BMPR1A: variants seen among roughly 807,000 people sequenced by gnomAD.
BMPR1A encodes the protein bone morphogenetic protein receptor type-1A.
BMPR1A carries 7 observed loss-of-function variants against 66.0 expected under a neutral mutation model. The observed-to-expected ratio is 0.11, with a 90% CI of 0.06 to 0.20. The LOEUF is 0.20. Among genes scored for constraint, BMPR1A ranks in the 10% least tolerant of loss-of-function variants. The pLI, the probability that BMPR1A is intolerant of heterozygous loss-of-function variation, is 1.00. For missense variants in BMPR1A, 408 were observed against 669.1 expected (o/e 0.61, Z 4.31); for synonymous variants, 200 against 229.7 (o/e 0.87, Z 1.17).
intron 1 of BMPR1A, among the ~76,000 whole-genome samples, chr10:86,804,713 T>G (rs1841862903): frequency 6.6e-6 from 1 of 152,130 alleles, no homozygotes; most frequent in Non-Finnish European, 1.5e-5. Context: ...TATTTGTGTT[T>G]TTAAACACCT....
chr10:86,765,258 C>T (rs906804819), intron 1 of BMPR1A, among the ~76,000 whole-genome samples: 5 of 151,914 alleles, frequency 3.3e-5, no homozygotes, highest in Non-Finnish European at 2.9e-5. Flanking sequence ...GAGGCCGAGG[C>T]GGGAGGATCA....
At chr10:86,816,383 G>A (rs1253133384) in intron 1 of BMPR1A, among the ~76,000 whole-genome samples, 2 of 151,720 alleles carry the variant, frequency 1.3e-5, no homozygotes, top group Admixed American at 1.3e-4. Context: ...TATACACGTG[G>A]TCACATTTGT....
intron 2 of BMPR1A, chr10:86,854,767 GATTTA>G: frequency 4.1e-6 from 1 of 245,344 alleles, no homozygotes; most frequent in Non-Finnish European, 8.8e-6. Context: ...CTGATCCTCA[GATTTA>G]ACTTTTCAGT....
At chr10:86,867,823 G>A (rs1842805164) in intron 2 of BMPR1A, among the ~76,000 whole-genome samples, 1 of 152,182 alleles carries the variant, frequency 6.6e-6, no homozygotes, top group Admixed American at 6.5e-5. Context: ...TCTTGATTCT[G>A]TGGTCCTGGA....
chr10:86,883,572 A>G (rs1228738207), intron 3 of BMPR1A, among the ~76,000 whole-genome samples: 1 of 139,724 alleles, frequency 7.2e-6, no homozygotes, highest in Admixed American at 7.1e-5. Flanking sequence ...AAAAAAAAAG[A>G]CCAGCCTGGC....
At chr10:86,876,176 G>C in intron 3 of BMPR1A, 91 bp downstream of exon 3, 1 of 1,254,716 alleles carries the variant, frequency 8.0e-7, no homozygotes, top group Non-Finnish European at 1.2e-6. Context: ...TGTTTGAATA[G>C]TTAGGCCCAG....
chr10:86,881,879 T>C (rs933102499), intron 3 of BMPR1A, among the ~76,000 whole-genome samples: 6 of 152,198 alleles, frequency 3.9e-5, no homozygotes, highest in Admixed American at 2.6e-4. Context: ...AATTGGAAAT[T>C]AGAAAGCAAT....
intron 1 of BMPR1A, among the ~76,000 whole-genome samples, chr10:86,815,513 G>A (rs1331765051): frequency 3.9e-5 from 6 of 152,090 alleles, no homozygotes; most frequent in East Asian, 1.9e-4. Context: ...CCCACTGTTC[G>A]TTCCAATGAA....
intron 1 of BMPR1A, among the ~76,000 whole-genome samples, chr10:86,806,067 A>T (rs989680694): frequency 2.0e-5 from 3 of 151,860 alleles, no homozygotes; most frequent in African/African-American, 7.3e-5. Context: ...CAGGCCAGTT[A>T]TTTTCTAGAA....
At chr10:86,895,302 C>T (rs1340358986) in intron 5 of BMPR1A, among the ~76,000 whole-genome samples, 7 of 152,102 alleles carry the variant, frequency 4.6e-5, no homozygotes, top group Admixed American at 4.6e-4. Flanking sequence ...CTTTGGGAGG[C>T]CGAGGCGAGC....
intron 2 of BMPR1A, among the ~76,000 whole-genome samples, chr10:86,846,052 G>C (rs1271562898): frequency 6.6e-6 from 1 of 151,924 alleles, no homozygotes; most frequent in Non-Finnish European, 1.5e-5. Flanking sequence ...GAAACAAGAG[G>C]GTTAAAATCC....
intron 1 of BMPR1A, among the ~76,000 whole-genome samples, chr10:86,789,572 G>A (rs1043323899): frequency 3.3e-5 from 5 of 152,078 alleles, no homozygotes; most frequent in Admixed American, 6.5e-5. Context: ...AATTAGCTGG[G>A]TGTGATGGTG....
chr10:86,819,724 G>T (rs1372303125), intron 1 of BMPR1A, among the ~76,000 whole-genome samples: 1 of 152,222 alleles, frequency 6.6e-6, no homozygotes, highest in Non-Finnish European at 1.5e-5. Context: ...TCAGCCTCAT[G>T]GATTGTGGTA....
chr10:86,923,250 A>G lies in BMPR1A; in HGVS notation c.1343-126A>G, dbSNP rs992105020. On this transcript the variant is annotated intron_variant, in intron 11 of 12. Coordinates refer to ENST00000372037, the MANE Select transcript of BMPR1A (RefSeq NM_004329.3). ...ACATCTACTATTAAGAGTGAATCATAGTGTCTATATTTTTTCTTGTGTAAG... is the reference window on the plus strand; with the variant it reads ...ACATCTACTATTAAGAGTGAATCATGGTGTCTATATTTTTTCTTGTGTAAG... 4 of 1,288,896 alleles carry G rather than the reference A, an allele frequency of 3.1e-6. No homozygotes were observed. The South Asian group carries it at 5.0e-5, about 16-fold the overall frequency. The allele number at this position is 1,288,896 out of a possible 1,614,324, so 79.8% of individuals were successfully genotyped here. A position where few individuals can be genotyped will look rare whatever the true frequency, so the allele number is the denominator to read the frequency against.
At chr10:86,788,610 C>A (rs1841551661) in intron 1 of BMPR1A, among the ~76,000 whole-genome samples, 1 of 152,004 alleles carries the variant, frequency 6.6e-6, no homozygotes, top group South Asian at 2.1e-4. Context: ...GCGGTTCTTC[C>A]CTTTTTATTT....
At chr10:86,876,473 G>A (rs1379565946) in intron 3 of BMPR1A, among the ~76,000 whole-genome samples, 1 of 152,154 alleles carries the variant, frequency 6.6e-6, no homozygotes, top group African/African-American at 2.4e-5. Context: ...AGGAGCAAGT[G>A]TAAATAATAA....
chr10:86,900,008 T>C lies in BMPR1A; in HGVS notation c.431-19T>C. 1 of 1,613,820 alleles carries C rather than the reference T, an allele frequency of 6.2e-7. No individual in the cohort carries two copies. The highest frequency in any genetic ancestry group is 8.5e-7 in the Non-Finnish European group (1 of 1,179,726). On this transcript the variant is annotated intron_variant, in intron 6 of 12. Coordinates refer to ENST00000372037, the MANE Select transcript of BMPR1A (RefSeq NM_004329.3). The stretch of plus-strand genomic sequence containing the variant: ...ATTTTTTCATTTCAATTGTTTACAT[T>C]GTTTACTTTTATTGTCAGGTCCGTT...
chr10:86,901,901 G>A (rs542882882), intron 7 of BMPR1A, among the ~76,000 whole-genome samples: 1 of 115,642 alleles, frequency 8.6e-6, no homozygotes, highest in African/African-American at 4.7e-5. Context: ...GTCTCACTCT[G>A]TCTCCCAGGT....
intron 4 of BMPR1A, among the ~76,000 whole-genome samples, 171 bp from the exon 5 acceptor site, chr10:86,891,956 C>G (rs1187327567): frequency 1.3e-5 from 2 of 152,242 alleles, no homozygotes; most frequent in African/African-American, 4.8e-5. Flanking sequence ...ACATAACTTT[C>G]ATTTGTCTTA....
Sources: gnomAD v4.1 joint callset for allele counts (sites outside exome capture counted in the v4.1 genomes callset) on GRCh38, gnomAD v4.1.1 for gene constraint, MANE v1.5 for transcripts, NCBI Gene and HGNC (gene_info 2026-07-23, HGNC 2026-07-21) for gene names.